RBFOX1: variants seen among roughly 807,000 people sequenced by gnomAD.
RBFOX1 encodes RNA binding protein fox-1 homolog 1.
A neutral mutation model predicts 57.7 loss-of-function variants in RBFOX1; 8 were observed. That is an observed-to-expected ratio of 0.14 (90% CI 0.08 to 0.25). The LOEUF (loss-of-function observed/expected upper bound fraction) is 0.25. Ranked by LOEUF, RBFOX1 falls within the 10% of genes least tolerant of loss-of-function variation. The pLI is 1.00. For synonymous variants in RBFOX1, 326 were observed against 222.4 expected (o/e 1.47, Z -4.15); for missense variants, 611 against 548.5 (o/e 1.11, Z -1.14).
At chr16:5,968,813 C>G (rs765487621) in intron 4 of RBFOX1, among the ~76,000 whole-genome samples, 12 of 152,030 alleles carry the variant, frequency 7.9e-5, no homozygotes, top group African/African-American at 1.4e-4. Context: ...CTTGTTTTCT[C>G]TTTCTTTTTC....
intron 3 of RBFOX1, among the ~76,000 whole-genome samples, chr16:6,786,362 G>C (rs567042942): frequency 8.5e-5 from 13 of 152,086 alleles, no homozygotes; most frequent in Non-Finnish European, 1.5e-4. Flanking sequence ...GAGAGTCCCT[G>C]TTGTCCCAGA....
At chr16:6,509,840 A>G (rs1005126146) in intron 2 of RBFOX1, among the ~76,000 whole-genome samples, 3 of 152,226 alleles carry the variant, frequency 2.0e-5, no homozygotes, top group Non-Finnish European at 4.4e-5. Context: ...AACATGAAAA[A>G]TATAAAATTT....
intron 3 of RBFOX1, among the ~76,000 whole-genome samples, chr16:6,731,254 G>A (rs547786077): frequency 6.6e-6 from 1 of 152,266 alleles, no homozygotes; most frequent in South Asian, 2.1e-4. Flanking sequence ...GAAATGGTAA[G>A]ATGAGGTGGG....
intron 4 of RBFOX1, among the ~76,000 whole-genome samples, chr16:7,174,830 G>C (rs1397403578): frequency 6.6e-6 from 1 of 152,116 alleles, no homozygotes; most frequent in African/African-American, 2.4e-5. Context: ...TTTTTCCAAA[G>C]CGGTTGCGTT....
chr16:7,432,496 C>A (rs1378145059), intron 4 of RBFOX1, among the ~76,000 whole-genome samples: 2 of 152,146 alleles, frequency 1.3e-5, no homozygotes, highest in African/African-American at 4.8e-5. Context: ...CATAGGATTT[C>A]TTGTCTTAAC....
chr16:6,091,584 C>T (rs527324048), intron 1 of RBFOX1, among the ~76,000 whole-genome samples: 1 of 152,180 alleles, frequency 6.6e-6, no homozygotes, highest in Non-Finnish European at 1.5e-5. Context: ...AATCCCAGGA[C>T]TTTTGAAGGC....
intron 3 of RBFOX1, among the ~76,000 whole-genome samples, chr16:6,737,242 A>G (rs1040088622): frequency 2.0e-5 from 3 of 152,160 alleles, no homozygotes; most frequent in African/African-American, 4.8e-5. Flanking sequence ...GGGTTATGAT[A>G]TTTTTGCATT....
chr16:6,660,412 A>G (rs1468379287), intron 3 of RBFOX1, among the ~76,000 whole-genome samples: 2 of 152,286 alleles, frequency 1.3e-5, no homozygotes, highest in African/African-American at 4.8e-5. Context: ...AACATAAAAA[A>G]GTAATTCTTG....
intron 4 of RBFOX1, among the ~76,000 whole-genome samples, chr16:7,179,402 C>A (rs1321813196): frequency 6.6e-6 from 1 of 152,138 alleles, no homozygotes; most frequent in East Asian, 1.9e-4. Context: ...TCTCTGCCTT[C>A]CATCTCTCTC....
chr16:6,445,014 T>A (rs2094456864), intron 2 of RBFOX1, among the ~76,000 whole-genome samples: 1 of 151,966 alleles, frequency 6.6e-6, no homozygotes, highest in African/African-American at 2.4e-5. Flanking sequence ...TTTTAAGTAT[T>A]CCAGGCAGGA....
intron 3 of RBFOX1, among the ~76,000 whole-genome samples, chr16:5,704,482 G>A (rs1284287541): frequency 1.3e-5 from 2 of 152,136 alleles, no homozygotes; most frequent in African/African-American, 4.8e-5. Context: ...AGTGCTGGGA[G>A]CCAACCAGGC....
intron 13 of RBFOX1, among the ~76,000 whole-genome samples, chr16:7,667,922 C>T (rs1275187488): frequency 6.6e-6 from 1 of 152,126 alleles, no homozygotes; most frequent in Non-Finnish European, 1.5e-5. Context: ...GATCCATCCG[C>T]CTCGGTCTCC....
At chr16:5,285,730 A>G (rs1445659468) in intron 1 of RBFOX1, among the ~76,000 whole-genome samples, 1 of 152,136 alleles carries the variant, frequency 6.6e-6, no homozygotes, top group Non-Finnish European at 1.5e-5. Flanking sequence ...ATTGGCATGA[A>G]TGGTGTCTGT....
At chr16:6,695,199 C>T (rs1403205015) in intron 3 of RBFOX1, among the ~76,000 whole-genome samples, 1 of 151,924 alleles carries the variant, frequency 6.6e-6, no homozygotes, top group Non-Finnish European at 1.5e-5. Flanking sequence ...GCGGTTGGGT[C>T]GCCTGATGTC....
intron 3 of RBFOX1, among the ~76,000 whole-genome samples, chr16:5,791,902 G>T (rs1474477125): frequency 6.6e-6 from 1 of 152,210 alleles, no homozygotes; most frequent in African/African-American, 2.4e-5. Context: ...GTTTTGGGAA[G>T]AACCAGCAAG....
chr16:6,957,911 A>G (rs189328365), intron 3 of RBFOX1, among the ~76,000 whole-genome samples: 1 of 152,272 alleles, frequency 6.6e-6, no homozygotes, highest in Admixed American at 6.5e-5. Flanking sequence ...TTTTCCATGC[A>G]GGACATCTGT....
rs984957603 is a variant in RBFOX1, at chr16:7,296,151, G to A, written c.28-221996G>A. On this transcript the variant is annotated intron_variant, in intron 4 of 15. Coordinates refer to ENST00000550418, the MANE Select transcript of RBFOX1 (RefSeq NM_018723.4). ...CATTGGATTCTGTAATGACATTTTC[G>A]ACAGACTGCAGCTAAATGAGAAAAT... Among the ~76,000 whole-genome samples, 5 of 151,336 alleles carry A rather than the reference G, an allele frequency of 3.3e-5. No homozygotes were observed. The South Asian group carries it at 6.3e-4, about 19-fold the overall frequency.
chr16:7,122,878 A>G (rs1431957106), intron 4 of RBFOX1, among the ~76,000 whole-genome samples: 1 of 152,206 alleles, frequency 6.6e-6, no homozygotes, highest in African/African-American at 2.4e-5. Flanking sequence ...AAAAAGGAGC[A>G]ACTATTGATA....
intron 2 of RBFOX1, among the ~76,000 whole-genome samples, chr16:6,367,336 T>C (rs898234861): frequency 6.6e-6 from 1 of 152,176 alleles, no homozygotes; most frequent in African/African-American, 2.4e-5. Context: ...AATGGTGTGA[T>C]CTTGGCTCAC....
Sources: allele counts gnomAD v4.1 joint callset (sites outside exome capture counted in the v4.1 genomes callset), GRCh38; gene constraint gnomAD v4.1.1; transcripts MANE v1.5; gene names NCBI Gene and HGNC (gene_info 2026-07-23, HGNC 2026-07-21).